Variants in MERTK observed in about 807,000 individuals in gnomAD.
MERTK encodes the protein MER proto-oncogene, tyrosine kinase, also known as tyrosine-protein kinase Mer.
A neutral mutation model predicts 99.3 loss-of-function variants in MERTK; 69 were observed. That is an observed-to-expected ratio of 0.70 (90% CI 0.57 to 0.85). The LOEUF is 0.85. Among genes scored for constraint, MERTK ranks in the 40% least tolerant of loss-of-function variants. The pLI is 0.00. For synonymous variants in MERTK, 426 were observed against 467.6 expected (o/e 0.91, Z 1.15); for missense variants, 1,125 against 1,249.4 (o/e 0.90, Z 1.50).
chr2:111,953,440 A>G (rs1206238727), intron 4 of MERTK, among the ~76,000 whole-genome samples: 1 of 152,236 alleles, frequency 6.6e-6, no homozygotes, highest in East Asian at 1.9e-4. Context: ...CATAGTGAAG[A>G]TGGTCTAGCT....
At position 112,028,419 on chromosome 2, in the gene MERTK, T is replaced by C; in HGVS notation, c.2555T>C (p.Leu852Pro). 6.2e-7 allele frequency: 1 copy of C among 1,614,184 alleles called. No homozygotes were observed. Among genetic ancestry groups the C allele is most frequent in the South Asian group, 1.1e-5 (1 of 91,086 alleles). The change falls in exon 19 of 19, where the codon CTG (leucine) becomes CCG (proline). Residue 852 changes from leucine (L) to proline (P), a missense_variant. Leu to Pro is a moderately conservative substitution (Grantham distance 98, BLOSUM62 -3). Transcript: ENST00000295408. Reference sequence around the variant, plus strand: ...CGCCCCACCTTTTCAGTATTGAGGCTGCAGCTAGAAAAACTCTTAGAAAGT... The same window carrying C: ...CGCCCCACCTTTTCAGTATTGAGGCCGCAGCTAGAAAAACTCTTAGAAAGT... Reference protein sequence around the residue: ...LDRPTFSVLRLQLEKLLESLP... With the variant: ...LDRPTFSVLRPQLEKLLESLP...
intron 7 of MERTK, among the ~76,000 whole-genome samples, chr2:111,980,354 G>A (rs1676343914): frequency 1.3e-5 from 2 of 151,904 alleles, no homozygotes. Flanking sequence ...GGATATTTGA[G>A]GGCATACTTG....
chr2:111,994,636 G>A, intron 9 of MERTK: 2 of 537,624 alleles, frequency 3.7e-6, no homozygotes, highest in Non-Finnish European at 6.9e-6. Flanking sequence ...AAAATTTGCT[G>A]GGCATGGTGG....
At chr2:111,898,843 G>A (rs1683977082) in intron 1 of MERTK, 47 bp downstream of exon 1, 3 of 1,545,468 alleles carry the variant, frequency 1.9e-6, no homozygotes, top group Non-Finnish European at 2.6e-6. Context: ...GGGGCTCCCA[G>A]GAGGAAGCAG....
intron 18 of MERTK, among the ~76,000 whole-genome samples, chr2:112,027,243 C>G (rs1022654036): frequency 1.3e-5 from 2 of 148,808 alleles, no homozygotes; most frequent in Non-Finnish European, 3.0e-5. Flanking sequence ...AATTGGCATG[C>G]ATATATATAT....
At chr2:111,934,091 A>G (rs553237314) in intron 2 of MERTK, among the ~76,000 whole-genome samples, 1 of 152,216 alleles carries the variant, frequency 6.6e-6, no homozygotes, top group South Asian at 2.1e-4. Flanking sequence ...CATGGCATAT[A>G]TGTGTCACAT....
At position 111,914,217 on chromosome 2, in the gene MERTK, G is replaced by C. The variant is rs184513708; in HGVS notation, c.62-14903G>C. Among the ~76,000 whole-genome samples the C allele has an allele frequency of 4.3e-3, 636 of 147,692 alleles. 4 individuals are homozygous for C. The highest frequency in any genetic ancestry group is 0.013 in the South Asian group (59 of 4,678). ...CCTCCCAGGTTCAAGTGATTCTCCTGTCTCAGCCCCCAAGTAGCCAGGACT... is the reference window on the plus strand; with the variant it reads ...CCTCCCAGGTTCAAGTGATTCTCCTCTCTCAGCCCCCAAGTAGCCAGGACT... On this transcript the variant is annotated intron_variant, in intron 1 of 18. Transcript: ENST00000295408.
intron 12 of MERTK, 29 bp from the exon 13 acceptor site, chr2:112,003,875 G>A (rs767176417): frequency 6.4e-7 from 1 of 1,562,532 alleles, no homozygotes; most frequent in Admixed American, 1.7e-5. Flanking sequence ...TTTGCACAGT[G>A]TCCATACAGG....
intron 5 of MERTK, among the ~76,000 whole-genome samples, chr2:111,966,200 G>A (rs1170533862): frequency 6.6e-6 from 1 of 152,064 alleles, no homozygotes; most frequent in Non-Finnish European, 1.5e-5. Context: ...ACAGTGCAAG[G>A]AAAAAGGAGA....
intron 4 of MERTK, among the ~76,000 whole-genome samples, chr2:111,953,642 C>A (rs1263018846): frequency 6.6e-6 from 1 of 152,068 alleles, no homozygotes; most frequent in Non-Finnish European, 1.5e-5. Flanking sequence ...ATGGCGTGAT[C>A]TCTGCTTATC....
At chr2:111,967,754 G>A (rs1254614083) in intron 5 of MERTK, among the ~76,000 whole-genome samples, 3 of 152,160 alleles carry the variant, frequency 2.0e-5, no homozygotes, top group Non-Finnish European at 4.4e-5. Flanking sequence ...TGTGCTCCAC[G>A]AGGGCAGGGC....
intron 1 of MERTK, among the ~76,000 whole-genome samples, chr2:111,926,163 A>G (rs1036502275): frequency 1.3e-5 from 2 of 152,204 alleles, no homozygotes; most frequent in Non-Finnish European, 2.9e-5. Flanking sequence ...ATATGCTTCA[A>G]TAAATATTTG....
chr2:111,947,602 C>G (rs772137592), intron 4 of MERTK, 35 bp downstream of exon 4: 77 of 1,611,792 alleles, frequency 4.8e-5, no homozygotes, highest in Non-Finnish European at 6.4e-5. Flanking sequence ...GATTTATTCT[C>G]TAATAGCGGA....
chr2:111,942,589 C>A (rs1052495629), intron 2 of MERTK, among the ~76,000 whole-genome samples: 1 of 152,206 alleles, frequency 6.6e-6, no homozygotes, highest in Non-Finnish European at 1.5e-5. Context: ...AGCATTGTGA[C>A]ATCCAGCCAC....
intron 6 of MERTK, among the ~76,000 whole-genome samples, chr2:111,969,384 G>A (rs578065612): frequency 1.3e-5 from 2 of 152,228 alleles, no homozygotes; most frequent in African/African-American, 4.8e-5. Flanking sequence ...GAACATGCAG[G>A]AATTATCCAC....
chr2:111,993,622 A>T (rs1676674969), intron 8 of MERTK, among the ~76,000 whole-genome samples: 1 of 152,200 alleles, frequency 6.6e-6, no homozygotes, highest in African/African-American at 2.4e-5. Flanking sequence ...AAAGGGGAGG[A>T]AGGTGTTGTA....
intron 4 of MERTK, among the ~76,000 whole-genome samples, chr2:111,962,220 C>T (rs555981623): frequency 5.2e-4 from 79 of 152,148 alleles, no homozygotes; most frequent in African/African-American, 1.8e-3. Flanking sequence ...AAAAAATAAC[C>T]ATTCAGGTCG....
At chr2:111,913,555 T>C (rs1408127618) in intron 1 of MERTK, among the ~76,000 whole-genome samples, 1 of 152,204 alleles carries the variant, frequency 6.6e-6, no homozygotes, top group Non-Finnish European at 1.5e-5. Flanking sequence ...TTTCTTTTTC[T>C]TTTTTTGAGA....
chr2:111,922,362 G>A (rs1684475606), intron 1 of MERTK, among the ~76,000 whole-genome samples: 1 of 152,240 alleles, frequency 6.6e-6, no homozygotes, highest in African/African-American at 2.4e-5. Context: ...AAAGGCTGGT[G>A]GAGACCATCC....
Sources: allele counts gnomAD v4.1 joint callset (sites outside exome capture counted in the v4.1 genomes callset), GRCh38; gene constraint gnomAD v4.1.1; transcripts MANE v1.5; gene names NCBI Gene and HGNC (gene_info 2026-07-23, HGNC 2026-07-21).